RRAGD: variants seen among roughly 807,000 people sequenced by gnomAD.
RRAGD encodes the protein ras-related GTP-binding protein D.
A neutral mutation model predicts 35.5 loss-of-function variants in RRAGD; 12 were observed. The ratio of observed to expected loss-of-function variants is 0.34; its 90% CI spans 0.22 to 0.55. RRAGD has a LOEUF of 0.55. Among genes scored for constraint, RRAGD ranks in the 20% least tolerant of loss-of-function variants. The pLI is 0.91. For synonymous variants in RRAGD, 155 were observed against 178.9 expected, an observed-to-expected ratio of 0.87 and a Z score of 1.07; for missense variants, 324 against 490.1, an observed-to-expected ratio of 0.66 and a Z score of 3.20.
chr6:89,368,015 T>C lies in RRAGD; in HGVS notation c.*41A>G, dbSNP rs771334605. 2.6e-6 allele frequency: 4 copies of C among 1,523,514 alleles called. No individual in the cohort carries two copies. The highest frequency in any genetic ancestry group is 1.8e-4 in the Middle Eastern group (1 of 5,704). 94.4% of individuals were successfully genotyped at this position (1,523,514 alleles called of 1,614,324 possible). A position where few individuals can be genotyped will look rare whatever the true frequency, so the allele number is the denominator to read the frequency against. On this transcript the variant is annotated 3_prime_UTR_variant, in exon 7 of 7. Coordinates refer to ENST00000369415, the MANE Select transcript of RRAGD (RefSeq NM_021244.5). ...AGTGCAACATGGCGCAGCAGCCTCA[T>C]GGATAAGGTCTGATTTCAAAAGACA...
rs1410843161 is a variant in RRAGD, at chr6:89,412,030, G to A, written c.-37C>T. 7 of 1,514,040 alleles carry A rather than the reference G, an allele frequency of 4.6e-6. No homozygotes were observed. Among genetic ancestry groups the A allele is most frequent in the African/African-American group, 4.2e-5 (3 of 70,830 alleles). 93.8% of individuals were successfully genotyped at this position (1,514,040 alleles called of 1,614,324 possible). The stretch of plus-strand genomic sequence containing the variant: ...GCCGGCCGGCCCGGGGACGGCGGGG[G>A]TCCCGGGGTGGGGGCCAAGCCTCCT... On this transcript the variant is annotated 5_prime_UTR_variant, in exon 1 of 7. Coordinates refer to ENST00000369415, the MANE Select transcript of RRAGD (RefSeq NM_021244.5). This position sits in a 1 kb window ranked among gnomAD's most constrained non-coding sequence, Gnocchi z 4.2.
At position 89,368,128 on chromosome 6, in the gene RRAGD, A is replaced by C; in HGVS notation, c.1131T>G (p.Ser377=). 6.2e-7 allele frequency: 1 copy of C among 1,613,978 alleles called. No individual in the cohort carries two copies. Among genetic ancestry groups the C allele is most frequent in the Middle Eastern group, 1.7e-4 (1 of 6,060 alleles). Reference sequence around the variant, plus strand: ...TCTGCAGCCGATTCTGAACCTTTCGAGATTTTACTACTTTCATTCTCACCT... The same window carrying C: ...TCTGCAGCCGATTCTGAACCTTTCGCGATTTTACTACTTTCATTCTCACCT... ...VFEVRMKVVK[S]RKVQNRLQKK... is the part of the protein sequence containing the mutation. Residue 377 remains serine (S), a synonymous_variant, in exon 7 of 7, where the codon TCT becomes TCG. Transcript: ENST00000369415.
intron 2 of RRAGD, among the ~76,000 whole-genome samples, chr6:89,386,508 A>T (rs1320873837): frequency 6.6e-6 from 1 of 152,238 alleles, no homozygotes; most frequent in East Asian, 1.9e-4. Context: ...AACAAAGTGA[A>T]AGGAGAACCT....
chr6:89,387,718 T>A (rs1769160394), intron 1 of RRAGD, 128 bp from the exon 2 acceptor site: 2 of 906,282 alleles, frequency 2.2e-6, no homozygotes, highest in Admixed American at 4.7e-5. Context: ...GAGTGCTAAC[T>A]ACAGTCCCTC....
Position 89,411,566 on chromosome 6 carries a change from T to C in RRAGD, c.148+280A>G, listed in dbSNP as rs1274145878. ...TGAGGGGCGCGGGAGGCACCGGCTC[T>C]GAAAGGGGCAGAAGCGCGCGCTCCT... On this transcript the variant is annotated intron_variant, in intron 1 of 6. Transcript: ENST00000369415. The surrounding 1 kb of genome is among the most constrained non-coding windows in gnomAD (Gnocchi z 5.6). The C allele has an allele frequency of 4.5e-6, 2 of 446,236 alleles. No individual in the cohort carries two copies. The highest frequency in any genetic ancestry group is 8.1e-6 in the Non-Finnish European group (2 of 247,684). 27.6% of individuals were successfully genotyped at this position (446,236 alleles called of 1,614,324 possible).
intron 1 of RRAGD, among the ~76,000 whole-genome samples, chr6:89,403,367 C>A (rs943673658): frequency 6.6e-6 from 1 of 151,966 alleles, no homozygotes; most frequent in East Asian, 1.9e-4. Flanking sequence ...ATGGCGTGAA[C>A]CCAGGAGGCG....
At chr6:89,407,752 G>A (rs1302677903) in intron 1 of RRAGD, among the ~76,000 whole-genome samples, 2 of 152,174 alleles carry the variant, frequency 1.3e-5, no homozygotes, top group Non-Finnish European at 2.9e-5. Flanking sequence ...GAATAACACA[G>A]GGGGTGAACT....
At chr6:89,368,294 A>G in intron 6 of RRAGD, 87 bp from the exon 7 acceptor site, 2 of 1,207,146 alleles carry the variant, frequency 1.7e-6, no homozygotes, top group Admixed American at 4.4e-5. Flanking sequence ...ACAAGCCAGT[A>G]GGGGGCAGTA....
At chr6:89,382,647 G>A (rs1252999023) in intron 2 of RRAGD, among the ~76,000 whole-genome samples, 6 of 151,736 alleles carry the variant, frequency 4.0e-5, no homozygotes, top group African/African-American at 1.2e-4. Flanking sequence ...AGGCCAAGGC[G>A]GGCAGATCAC....
At chr6:89,369,975 T>C (rs142553934) in intron 6 of RRAGD, among the ~76,000 whole-genome samples, 1 of 152,260 alleles carries the variant, frequency 6.6e-6, no homozygotes, top group East Asian at 1.9e-4. Flanking sequence ...TTCTCAACCC[T>C]AGCTGCACAA....
At chr6:89,383,553 C>A (rs1769085369) in intron 2 of RRAGD, among the ~76,000 whole-genome samples, 1 of 152,148 alleles carries the variant, frequency 6.6e-6, no homozygotes, top group Admixed American at 6.6e-5. Context: ...GTCACAAGCA[C>A]CAGCACAGGT....
intron 2 of RRAGD, among the ~76,000 whole-genome samples, chr6:89,385,862 C>T (rs556287991): frequency 1.3e-5 from 2 of 152,204 alleles, no homozygotes; most frequent in African/African-American, 4.8e-5. Flanking sequence ...TATTATTAAA[C>T]AGGCACCTAG....
At chr6:89,395,195 G>A (rs539264444) in intron 1 of RRAGD, among the ~76,000 whole-genome samples, 1 of 152,282 alleles carries the variant, frequency 6.6e-6, no homozygotes, top group African/African-American at 2.4e-5. Context: ...AGAGATTGAG[G>A]CTGCAGTGAG....
Position 89,365,331 on chromosome 6 carries a change from C to T in RRAGD, c.*2725G>A, listed in dbSNP as rs1354231832. 1 of 152,180 alleles carries T rather than the reference C, an allele frequency of 6.6e-6. No individual in the cohort carries two copies. The highest frequency in any genetic ancestry group is 1.5e-5 in the Non-Finnish European group (1 of 68,038). 9.4% of individuals were successfully genotyped at this position (152,180 alleles called of 1,614,324 possible). A position where few individuals can be genotyped will look rare whatever the true frequency, so the allele number is the denominator to read the frequency against. On this transcript the variant is annotated 3_prime_UTR_variant, in exon 7 of 7. Transcript: ENST00000369415. ...CCCTGCTCCTTTTGAGGAAGGAAAC[C>T]TGCAAGGCAAGTTCTCAATCCCTAA... is the stretch of plus-strand genomic sequence containing the variant.
At chr6:89,402,194 C>T (rs1365666744) in intron 1 of RRAGD, among the ~76,000 whole-genome samples, 4 of 151,676 alleles carry the variant, frequency 2.6e-5, no homozygotes, top group Non-Finnish European at 2.9e-5. Flanking sequence ...ATTACAGGCA[C>T]GCACCAGCAC....
In RRAGD at chr6:89,411,638, G is replaced by A; in HGVS notation, c.148+208C>T. 1.7e-6 allele frequency: 1 copy of A among 583,460 alleles called. No homozygotes were observed. The highest frequency in any genetic ancestry group is 3.0e-6 in the Non-Finnish European group (1 of 334,934). The allele number at this position is 583,460 out of a possible 1,614,324, so 36.1% of individuals were successfully genotyped here. A position where few individuals can be genotyped will look rare whatever the true frequency, so the allele number is the denominator to read the frequency against. ...TCCTTCCCCTTTTCCACCGATCCTG[G>A]TTGCCCCTCCGCCACCAGCACCGCG... On this transcript the variant is annotated intron_variant, in intron 1 of 6. Transcript: ENST00000369415. This position sits in a 1 kb window ranked among gnomAD's most constrained non-coding sequence, Gnocchi z 5.6.
rs575169965 is a variant in RRAGD, at chr6:89,384,206, G to A, written c.444+3089C>T. On this transcript the variant is annotated intron_variant, in intron 2 of 6. Transcript: ENST00000369415. ...GTGCTTCTAATCACATCCCATAAAG[G>A]TTCCTGCAAACATGATTTTTACATT... 1.4e-4 allele frequency among the ~76,000 whole-genome samples: 21 copies of A among 152,156 alleles called. No individual in the cohort carries two copies. In the South Asian group the frequency reaches 4.4e-3, roughly 32 times the overall value.
chr6:89,372,924 G>A (rs1376571828), intron 5 of RRAGD, among the ~76,000 whole-genome samples: 1 of 152,176 alleles, frequency 6.6e-6, no homozygotes, highest in Non-Finnish European at 1.5e-5. Context: ...TCAAAAGCGT[G>A]GTCTGATGAA....
Position 89,411,740 on chromosome 6 carries a change from T to A in RRAGD, c.148+106A>T. ...AAACCCTCAACTGGACCCGCTCCCC[T>A]GGACCCCCTCCAAGTCGGTGGCTCG... is the stretch of plus-strand genomic sequence containing the variant. On this transcript the variant is annotated intron_variant, in intron 1 of 6. Transcript: ENST00000369415. This position sits in a 1 kb window ranked among gnomAD's most constrained non-coding sequence, Gnocchi z 5.6. 1.1e-4 allele frequency: 131 copies of A among 1,154,986 alleles called. No homozygotes were observed. Among genetic ancestry groups the A allele is most frequent in the Middle Eastern group, 3.1e-4 (1 of 3,224 alleles). 71.5% of individuals were successfully genotyped at this position (1,154,986 alleles called of 1,614,324 possible).
Sources: allele counts gnomAD v4.1 joint callset (sites outside exome capture counted in the v4.1 genomes callset), GRCh38; gene constraint gnomAD v4.1.1; non-coding constraint Gnocchi (gnomAD v3.1); transcripts MANE v1.5; gene names NCBI Gene and HGNC (gene_info 2026-07-23, HGNC 2026-07-21).